The following MYO15B variants were observed in gnomAD, a reference collection of about 807,000 sequenced individuals.
MYO15B encodes myosin XVB, also known as myosin XVB pseudogene.
MYO15B carries 207 observed loss-of-function variants against 119.3 expected under a neutral mutation model. That is an observed-to-expected ratio of 1.73 (90% CI 1.55 to 1.95). MYO15B has a LOEUF of 1.95. Ranked by LOEUF, MYO15B falls within the 30% of genes most tolerant of loss-of-function variation. The pLI is 0.00. For synonymous variants in MYO15B, 966 were observed against 498.9 expected, an observed-to-expected ratio of 1.94 and a Z score of -12.48; for missense variants, 2,264 against 1,203.1, an observed-to-expected ratio of 1.88 and a Z score of -13.04.
chr17:75,609,062 C>T (rs535929867), intron 21 of MYO15B, among the ~76,000 whole-genome samples: 2 of 152,142 alleles, frequency 1.3e-5, no homozygotes, highest in African/African-American at 2.4e-5. Context: ...GACGGGGATT[C>T]ACCGTGTTGG....
chr17:75,601,231 A>C (rs867742258), intron 14 of MYO15B, among the ~76,000 whole-genome samples: 1 of 151,898 alleles, frequency 6.6e-6, no homozygotes, highest in Non-Finnish European at 1.5e-5. Context: ...TAGAGATGGG[A>C]TCTCACTAGG....
At chr17:75,612,043 C>T (rs1238169956) in intron 25 of MYO15B, 27 bp downstream of exon 25, 1 of 702,058 alleles carries the variant, frequency 1.4e-6, no homozygotes, top group East Asian at 2.7e-5. Context: ...AAGCTCTTCC[C>T]GCTGGCCTCA....
chr17:75,602,928 C>T (rs1367427099), exon 17 of MYO15B: 1 of 691,240 alleles, frequency 1.4e-6, no homozygotes, highest in South Asian at 1.5e-5. Context: ...TGGAGGACCT[C>T]ATAGCCCGGC....
chr17:75,603,273 A>G (rs1385369630), exon 19 of MYO15B: 2 of 702,944 alleles, frequency 2.8e-6, no homozygotes, highest in African/African-American at 1.7e-5. Flanking sequence ...CGCAGTGCCA[A>G]CTTCCCCGTG....
chr17:75,620,807 CTG>C, intron 49 of MYO15B, 171 bp downstream of exon 49: 1 of 701,918 alleles, frequency 1.4e-6, no homozygotes, highest in Non-Finnish European at 2.6e-6. Flanking sequence ...TCCAGCAAGA[CTG>C]TGCACTCCTT....
At chr17:75,618,163 A>G (rs1331625280) in exon 43 of MYO15B, 1 of 702,666 alleles carries the variant, frequency 1.4e-6, no homozygotes. Context: ...CATCCCTACT[A>G]CCTGAGGCTC....
chr17:75,621,032 G>A (rs765535543), exon 50 of MYO15B: 45 of 702,732 alleles, frequency 6.4e-5, no homozygotes, highest in African/African-American at 2.3e-4. Flanking sequence ...TGATCCCAGC[G>A]CCCTGCCCAC....
At chr17:75,623,140 G>A (rs751442017) in intron 53 of MYO15B, among the ~76,000 whole-genome samples, 1 of 151,188 alleles carries the variant, frequency 6.6e-6, no homozygotes, top group Non-Finnish European at 1.5e-5. Context: ...AGACCAGCCC[G>A]GCCAACATGG....
rs181698514 is a variant in MYO15B, at chr17:75,598,687, A to T, written c.3525+1788A>T. 5.9e-5 allele frequency among the ~76,000 whole-genome samples: 9 copies of T among 152,268 alleles called. No individual in the cohort carries two copies. In the East Asian group the frequency reaches 1.7e-3, roughly 29 times the overall value. On this transcript the variant is annotated intron_variant, in intron 14 of 63. Coordinates refer to ENST00000645453, the Ensembl canonical transcript of MYO15B. ...AAGTCACATTAATATATGATATATA[A>T]TGTTCATTTATTAATACTTATACGT...
Position 75,589,149 on chromosome 17 carries a change from G to A in MYO15B, c.1092G>A (p.Lys364=). The A allele has an allele frequency of 7.7e-6, 3 of 391,764 alleles. No individual in the cohort carries two copies. Among genetic ancestry groups the A allele is most frequent in the Non-Finnish European group, 1.4e-5 (3 of 221,576 alleles). The allele number at this position is 391,764 out of a possible 1,614,324, so 24.3% of individuals were successfully genotyped here. The change falls in exon 1 of 64, where the codon AAG becomes AAA. Residue 364 remains lysine, a synonymous_variant. Transcript: ENST00000645453. The surrounding 1 kb of genome is among the most constrained non-coding windows in gnomAD (Gnocchi z 4.2). ...TGGGCCCCCGCCGCGCTGGCCTCAAGGAGCGGCTCCTGAGTGTAGCGCGAG... is the reference window on the plus strand; with the variant it reads ...TGGGCCCCCGCCGCGCTGGCCTCAAAGAGCGGCTCCTGAGTGTAGCGCGAG...
intron 52 of MYO15B, 97 bp downstream of exon 52, chr17:75,621,667 C>T (rs2148118494): frequency 3.1e-6 from 2 of 642,410 alleles, no homozygotes; most frequent in Admixed American, 4.6e-5. Flanking sequence ...TGGCTCTGTC[C>T]CAGTCTGCCA....
At chr17:75,588,141 C>T in exon 1 of MYO15B, 2 of 398,132 alleles carry the variant, frequency 5.0e-6, no homozygotes, top group Non-Finnish European at 8.9e-6. Flanking sequence ...CGGGGTCGGC[C>T]AGCGCGGATG....
At chr17:75,612,144 T>G (rs2058068758) in intron 25 of MYO15B, 128 bp downstream of exon 25, 1 of 628,248 alleles carries the variant, frequency 1.6e-6, no homozygotes, top group East Asian at 2.7e-5. Context: ...TTTGGGGCTG[T>G]GAGTAGCGCT....
chr17:75,606,178 A>G (rs979329027), intron 21 of MYO15B, 157 bp downstream of exon 21: 10 of 534,694 alleles, frequency 1.9e-5, no homozygotes, highest in African/African-American at 1.7e-4. Flanking sequence ...TGACGGCATT[A>G]CCCCCCATAC....
At chr17:75,604,606 G>A (rs556743354) in intron 19 of MYO15B, among the ~76,000 whole-genome samples, 2 of 142,390 alleles carry the variant, frequency 1.4e-5, no homozygotes, top group East Asian at 2.2e-4. Context: ...GCGAGGAGAC[G>A]AAGGCCTTGG....
At chr17:75,595,467 C>T (rs190824907) in intron 12 of MYO15B, among the ~76,000 whole-genome samples, 58 of 152,328 alleles carry the variant, frequency 3.8e-4, no homozygotes, top group East Asian at 2.3e-3. Context: ...AGTGGTCCTG[C>T]CACTCACTAG....
intron 23 of MYO15B, 86 bp from the exon 24 acceptor site, chr17:75,611,515 A>C: frequency 1.5e-6 from 1 of 653,938 alleles, no homozygotes; most frequent in South Asian, 1.6e-5. Flanking sequence ...AGGGATGTTT[A>C]TAATCTTGGG....
chr17:75,617,698 G>A (rs1294102904), intron 41 of MYO15B, 112 bp from the exon 42 acceptor site: 2 of 604,094 alleles, frequency 3.3e-6, no homozygotes, highest in African/African-American at 1.8e-5. Context: ...TGGAGGTTGG[G>A]AGAGCCGGGC....
At chr17:75,594,745 T>C (rs73998365) in exon 11 of MYO15B, 13,411 of 702,980 alleles carry the variant, frequency 0.019, 1,058 homozygotes, top group African/African-American at 0.18. Context: ...CCGTGGAAAG[T>C]GCCTTTGATG....
Sources: gnomAD v4.1 joint callset for allele counts (sites outside exome capture counted in the v4.1 genomes callset) on GRCh38, gnomAD v4.1.1 for gene constraint, Gnocchi (gnomAD v3.1) non-coding constraint, MANE v1.5 for transcripts, NCBI Gene and HGNC (gene_info 2026-07-23, HGNC 2026-07-21) for gene names.